The following DKK4 variants were observed in gnomAD, a reference collection of about 807,000 sequenced individuals.
The protein encoded by DKK4 is dickkopf-related protein 4.
DKK4 carries 15 observed loss-of-function variants against 14.5 expected under a neutral mutation model. That is an observed-to-expected ratio of 1.03 (90% CI 0.69 to 1.59). The LOEUF (loss-of-function observed/expected upper bound fraction) is 1.59, where lower values mean the gene tolerates loss of function less well. DKK4 is among the 40% of genes most tolerant of loss of function. The pLI, the probability that DKK4 is intolerant of heterozygous loss-of-function variation, is 0.00. For missense variants in DKK4, 272 were observed against 280.3 expected (o/e 0.97, Z 0.21); for synonymous variants, 89 against 105.2 (o/e 0.85, Z 0.94).
the DKK4 span, among the ~76,000 whole-genome samples, chr8:42,385,168 G>A: frequency 2.0e-5 from 3 of 152,176 alleles, no homozygotes; most frequent in Non-Finnish European, 4.4e-5. Flanking sequence ...AAGGCAGGAG[G>A]ATTGCTTGAG....
At chr8:42,386,867 C>T in the DKK4 span, among the ~76,000 whole-genome samples, 1 of 152,172 alleles carries the variant, frequency 6.6e-6, no homozygotes, top group African/African-American at 2.4e-5. Context: ...GGTAATTGAG[C>T]TATGAAGTCT....
chr8:42,375,950 G>A (rs1046350423), intron 1 of DKK4, 120 bp from the exon 2 acceptor site: 15 of 1,301,764 alleles, frequency 1.2e-5, no homozygotes, highest in Admixed American at 6.7e-5. Flanking sequence ...CAAACCCTGG[G>A]CAGCATCTTA....
the DKK4 span, among the ~76,000 whole-genome samples, chr8:42,390,584 C>T: frequency 1.3e-5 from 2 of 151,322 alleles, no homozygotes; most frequent in South Asian, 4.2e-4. Context: ...AGGATGGTCT[C>T]GATCTCCTGA....
intron 1 of DKK4, among the ~76,000 whole-genome samples, chr8:42,376,634 A>G (rs1421553446): frequency 6.6e-6 from 1 of 152,204 alleles, no homozygotes. Context: ...TGTGAGGAAG[A>G]GTACATGACG....
the DKK4 span, among the ~76,000 whole-genome samples, chr8:42,383,966 G>A: frequency 6.6e-6 from 1 of 152,030 alleles, no homozygotes; most frequent in Non-Finnish European, 1.5e-5. Flanking sequence ...CAATCAAGTT[G>A]TGTCCATTTG....
the DKK4 span, among the ~76,000 whole-genome samples, chr8:42,389,273 C>A: frequency 6.6e-6 from 1 of 152,358 alleles, no homozygotes; most frequent in South Asian, 2.1e-4. Flanking sequence ...ATATCCACTA[C>A]AATCCTGAGT....
At chr8:42,374,705 G>C in intron 3 of DKK4, 56 bp downstream of exon 3, 1 of 1,606,212 alleles carries the variant, frequency 6.2e-7, no homozygotes, top group Non-Finnish European at 8.5e-7. Flanking sequence ...TCCTTAAGAG[G>C]CTGGGAGGAG....
chr8:42,380,897 GAA>G (rs1563416303), upstream of DKK4, among the ~76,000 whole-genome samples: 1 of 150,758 alleles, frequency 6.6e-6, no homozygotes, highest in Non-Finnish European at 1.5e-5. Context: ...GAGAGAAAGA[GAA>G]AGAAAATGAG....
chr8:42,379,965 TGAG>T (rs773157825), upstream of DKK4, among the ~76,000 whole-genome samples: 85 of 152,066 alleles, frequency 5.6e-4, no homozygotes, highest in South Asian at 1.5e-3. Flanking sequence ...CAGCACTTCG[TGAG>T]GAGGATAAAG....
At chr8:42,391,057 TCTC>T in the DKK4 span, among the ~76,000 whole-genome samples, 4 of 152,290 alleles carry the variant, frequency 2.6e-5, no homozygotes, top group South Asian at 2.1e-4. Context: ...TAGTTGGTCT[TCTC>T]CTCTACAGAA....
At chr8:42,381,342 C>T (rs1387568500), upstream of DKK4, among the ~76,000 whole-genome samples, 2 of 152,034 alleles carry the variant, frequency 1.3e-5, no homozygotes, top group Admixed American at 6.6e-5. Flanking sequence ...AAAAGCTGTC[C>T]GCACAATCAA....
chr8:42,388,387 G>C, the DKK4 span, among the ~76,000 whole-genome samples: 4 of 151,670 alleles, frequency 2.6e-5, no homozygotes, highest in African/African-American at 7.3e-5. Flanking sequence ...GTGCCACCAT[G>C]CTCGGCTAAT....
intron 1 of DKK4, 130 bp downstream of exon 1, chr8:42,376,805 C>T (rs2130873974): frequency 1.4e-6 from 1 of 733,066 alleles, no homozygotes; most frequent in Non-Finnish European, 2.3e-6. Flanking sequence ...CCTCCCAAAT[C>T]CGAAACCAAT....
Position 42,375,779 on chromosome 8 carries a change from G to T in DKK4, c.163C>A (p.Gln55Lys). The T allele has an allele frequency of 1.9e-6, 3 of 1,614,178 alleles. No individual in the cohort carries two copies. The highest frequency in any genetic ancestry group is 2.5e-6 in the Non-Finnish European group (3 of 1,180,032). The change falls in exon 2 of 4, where the codon CAG becomes AAG. Residue 55 changes from glutamine to lysine, a missense_variant. Physicochemically the swap from Gln to Lys is moderately conservative, Grantham distance 53. Coordinates refer to ENST00000220812, the MANE Select transcript of DKK4 (RefSeq NM_014420.3). The part of the protein sequence containing the change: ...TDCNTRKFCL[Q>K]PRDEKPFCAT... ...CAGAACGGCTTCTCATCGCGGGGCTGGAGGCAGAACTTTCTGGTATTGCAG... is the reference window on the plus strand; with the variant it reads ...CAGAACGGCTTCTCATCGCGGGGCTTGAGGCAGAACTTTCTGGTATTGCAG...
chr8:42,374,803 G>A lies in DKK4; in HGVS notation c.373C>T (p.Pro125Ser). The change falls in exon 3 of 4, where the codon CCC (proline) becomes TCC (serine). Residue 125 changes from proline (P) to serine (S), a missense_variant. Physicochemically the swap from Pro to Ser is moderately conservative, Grantham distance 74. Transcript: ENST00000220812. ...TTCTTAATACTTGGCTTCCTTTTGG[G>A]TTGGTTTTCCTGGACTGGGTGCCCA... ...TTGHPVQENQ[P>S]KRKPSIKKSQ... 6.2e-7 allele frequency: 1 copy of A among 1,614,164 alleles called. No homozygotes were observed. The highest frequency in any genetic ancestry group is 8.5e-7 in the Non-Finnish European group (1 of 1,180,036).
chr8:42,382,849 T>C, the DKK4 span, among the ~76,000 whole-genome samples: 1 of 152,242 alleles, frequency 6.6e-6, no homozygotes, highest in Non-Finnish European at 1.5e-5. Context: ...GTTTCTGCAC[T>C]GATTCCACTC....
chr8:42,389,577 T>C, the DKK4 span, among the ~76,000 whole-genome samples: 2 of 152,292 alleles, frequency 1.3e-5, no homozygotes, highest in East Asian at 1.9e-4. Context: ...AATCTGATAT[T>C]TGCCTTTTGA....
At chr8:42,389,795 G>A in the DKK4 span, among the ~76,000 whole-genome samples, 5 of 151,914 alleles carry the variant, frequency 3.3e-5, no homozygotes, top group Admixed American at 6.6e-5. Context: ...TCATTTGAGG[G>A]TTAGTTGCAG....
At chr8:42,390,124 C>T in the DKK4 span, among the ~76,000 whole-genome samples, 2 of 152,044 alleles carry the variant, frequency 1.3e-5, no homozygotes, top group African/African-American at 4.8e-5. Context: ...GAACTCCTGA[C>T]CTCAAGTGAT....
Sources: gnomAD v4.1 joint callset for allele counts (sites outside exome capture counted in the v4.1 genomes callset) on GRCh38, gnomAD v4.1.1 for gene constraint, MANE v1.5 for transcripts, NCBI Gene and HGNC (gene_info 2026-07-23, HGNC 2026-07-21) for gene names.